Variants in KRT86 observed in about 807,000 individuals in gnomAD.
KRT86 encodes the protein keratin, type II cuticular Hb6.
In KRT86, 30 loss-of-function variants were observed where a neutral mutation model predicts 41.2. That is an observed-to-expected ratio of 0.73 (90% confidence interval 0.54 to 0.99). KRT86 has a LOEUF of 0.99. Among genes scored for constraint, KRT86 ranks in the 50% least tolerant of loss-of-function variants. The probability of loss-of-function intolerance (pLI) is 0.00; values close to 1 mark genes in which losing one functional copy is unlikely to be tolerated. For synonymous variants in KRT86, 238 were observed against 238.1 expected, an observed-to-expected ratio of 1.00 and a Z score of 0.00; for missense variants, 561 against 571.4, an observed-to-expected ratio of 0.98 and a Z score of 0.19.
intron 1 of KRT86, among the ~76,000 whole-genome samples, chr12:52,275,436 A>T (rs895434421): frequency 2.0e-5 from 3 of 152,002 alleles, no homozygotes; most frequent in Non-Finnish European, 4.4e-5. Context: ...AATTTCATTA[A>T]TTTTTTTTGT....
intron 2 of KRT86, among the ~76,000 whole-genome samples, chr12:52,281,614 A>T (rs1211906410): frequency 2.0e-5 from 3 of 152,222 alleles, no homozygotes; most frequent in African/African-American, 7.2e-5. Flanking sequence ...TAAGGAAGGA[A>T]GGGCCTTGAT....
chr12:52,306,207 G>T lies in KRT86; in HGVS notation c.1174G>T (p.Val392Leu). The T allele has an allele frequency of 1.2e-6, 2 of 1,613,820 alleles. No individual in the cohort carries two copies. Among genetic ancestry groups the T allele is most frequent in the Non-Finnish European group, 1.7e-6 (2 of 1,180,042 alleles). The change falls in exon 9 of 11, where the codon GTG becomes TTG. Residue 392 changes from valine to leucine, a missense_variant. Physicochemically the swap from Val to Leu is conservative, Grantham distance 32. Transcript: ENST00000423955. ...CTGCCTGATCAGGGAGTACCAGGAG[G>T]TGATGAACTCCAAGCTGGGCCTGGA... Reference protein sequence around the residue: ...MACLIREYQEVMNSKLGLDIE... With the variant: ...MACLIREYQELMNSKLGLDIE...
chr12:52,286,501 C>A (rs572305707), intron 2 of KRT86: 3 of 1,551,834 alleles, frequency 1.9e-6, no homozygotes, highest in Non-Finnish European at 1.7e-6. Context: ...CACCTGTGAA[C>A]CCCGAAGGCT....
intron 2 of KRT86, among the ~76,000 whole-genome samples, chr12:52,294,553 T>C (rs1938205488): frequency 6.6e-6 from 1 of 152,182 alleles, no homozygotes; most frequent in Non-Finnish European, 1.5e-5. Context: ...GTCTTGGCTC[T>C]GGCAAGGTAA....
chr12:52,307,830 T>C (rs1258420753), intron 9 of KRT86, among the ~76,000 whole-genome samples: 1 of 152,246 alleles, frequency 6.6e-6, no homozygotes, highest in Non-Finnish European at 1.5e-5. Flanking sequence ...TCTGCTCCCC[T>C]CAAATGCACC....
At chr12:52,275,997 C>T in intron 2 of KRT86, 51 bp downstream of exon 2, 1 of 985,820 alleles carries the variant, frequency 1.0e-6, no homozygotes, top group Non-Finnish European at 1.2e-6. Flanking sequence ...GGATGGTGAC[C>T]ATTATTTATG....
At chr12:52,300,710 G>T (rs1938352462) in intron 2 of KRT86, among the ~76,000 whole-genome samples, 1 of 152,252 alleles carries the variant, frequency 6.6e-6, no homozygotes, top group South Asian at 2.1e-4. Context: ...AAGGAGTATA[G>T]TGCAGAAAGC....
chr12:52,275,524 A>T (rs898594305), intron 1 of KRT86, among the ~76,000 whole-genome samples: 1 of 152,182 alleles, frequency 6.6e-6, no homozygotes, highest in African/African-American at 2.4e-5. Flanking sequence ...CCTGGGATAA[A>T]CCCTATGTGA....
chr12:52,308,548 G>GGGTTGGC lies in KRT86; in HGVS notation c.1426_1432dup (p.Val478GlyfsTer9), dbSNP rs1442924617. 1 of 1,600,684 alleles carries GGGTTGGC rather than the reference G, an allele frequency of 6.2e-7. No homozygotes were observed. The highest frequency in any genetic ancestry group is 1.3e-5 in the African/African-American group (1 of 74,934). On this transcript the variant is annotated frameshift_variant, in exon 11 of 11. Coordinates refer to ENST00000423955, the MANE Select transcript of KRT86 (RefSeq NM_001320198.2). LOFTEE classifies it high-confidence loss of function. ...ACTAACGCCTGCGCCCCCTCCGCCC[G>GGGTTGGC]GGTTGGCGTCTGCGGCGGCAGCTGT...
chr12:52,286,265 C>A, intron 2 of KRT86: 1 of 1,554,022 alleles, frequency 6.4e-7, no homozygotes, highest in African/African-American at 1.4e-5. Flanking sequence ...CTAACATTTC[C>A]GGCAGCTGCT....
rs1238552650 is a variant in KRT86 at position 52,296,450 on chromosome 12, G to A, written c.-4-5463G>A. Among the ~76,000 whole-genome samples, 3 of 152,302 alleles carry A rather than the reference G, an allele frequency of 2.0e-5. No individual in the cohort carries two copies. The East Asian group carries it at 5.8e-4, about 29-fold the overall frequency. ...TATAGTAATGAACCCTCACAGGGCA[G>A]GGACATGGGGCGAGGGAGGTGCAGG... is the stretch of plus-strand genomic sequence containing the variant. On this transcript the variant is annotated intron_variant, in intron 2 of 10. Transcript: ENST00000423955.
rs1373352022 is a variant in KRT86 at position 52,308,276 on chromosome 12, G to A, written c.1279+12G>A. ...CTCGGTGAATGTCTGTAAGTAGTGG[G>A]GTCCGTCCCCTCCTCCCGCTGGGCG... On this transcript the variant is annotated intron_variant, in intron 10 of 10. Transcript: ENST00000423955. 3.7e-6 allele frequency: 6 copies of A among 1,614,044 alleles called. No individual in the cohort carries two copies. The highest frequency in any genetic ancestry group is 4.2e-6 in the Non-Finnish European group (5 of 1,180,038).
chr12:52,287,990 G>A, intron 2 of KRT86: 7 of 1,614,208 alleles, frequency 4.3e-6, no homozygotes, highest in Non-Finnish European at 5.9e-6. Context: ...TCACCTTGCT[G>A]CGGTACCAGG....
intron 7 of KRT86, 124 bp downstream of exon 7, chr12:52,305,528 G>A (rs1409485893): frequency 1.9e-6 from 3 of 1,598,626 alleles, no homozygotes; most frequent in Non-Finnish European, 2.6e-6. Flanking sequence ...CCACTCTGAT[G>A]TTGGGGTGGT....
At chr12:52,287,071 G>A (rs1937967569) in intron 2 of KRT86, 1 of 1,612,536 alleles carries the variant, frequency 6.2e-7, no homozygotes, top group Admixed American at 1.7e-5. Context: ...ATGGGGAAGG[G>A]TGGTTCTGGG....
chr12:52,275,335 G>A (rs1165155998), intron 1 of KRT86, among the ~76,000 whole-genome samples: 1 of 152,194 alleles, frequency 6.6e-6, no homozygotes, highest in Non-Finnish European at 1.5e-5. Flanking sequence ...CTAGATCACT[G>A]TCCCTGGTTT....
Position 52,295,977 on chromosome 12 carries a change from G to A in KRT86, c.-4-5936G>A, listed in dbSNP as rs142031804. Among the ~76,000 whole-genome samples, 574 of 152,156 alleles carry A rather than the reference G, an allele frequency of 3.8e-3. 3 individuals carry two copies. Among genetic ancestry groups the A allele is most frequent in the Admixed American group, 5.8e-3 (89 of 15,274 alleles). Reference sequence around the variant, plus strand: ...TGAGTGAGATGTGTCCTTCAACCAAGCAAAGTCCTTGGCTTGGGCTATAAG... The same window carrying A: ...TGAGTGAGATGTGTCCTTCAACCAAACAAAGTCCTTGGCTTGGGCTATAAG... On this transcript the variant is annotated intron_variant, in intron 2 of 10. Coordinates refer to ENST00000423955, the MANE Select transcript of KRT86 (RefSeq NM_001320198.2).
At position 52,308,656 on chromosome 12, in the gene KRT86, G is replaced by T; in HGVS notation, c.*71G>T. The T allele has an allele frequency of 6.9e-7, 1 of 1,449,472 alleles. No individual in the cohort carries two copies. Among genetic ancestry groups the T allele is most frequent in the Non-Finnish European group, 9.4e-7 (1 of 1,062,906 alleles). The allele number at this position is 1,449,472 out of a possible 1,614,324, so 89.8% of individuals were successfully genotyped here. ...AGCCAGTACCTCGCGCCACCAGAACGCGCCGCCCGCGCCGGCCTCCCAATA... is the reference window on the plus strand; with the variant it reads ...AGCCAGTACCTCGCGCCACCAGAACTCGCCGCCCGCGCCGGCCTCCCAATA... On this transcript the variant is annotated 3_prime_UTR_variant, in exon 11 of 11. Transcript: ENST00000423955.
rs1032822792 is a variant in KRT86, at chr12:52,308,718, C to A, written c.*133C>A. 7 of 812,652 alleles carry A rather than the reference C, an allele frequency of 8.6e-6. No homozygotes were observed. The Admixed American group carries it at 1.7e-4, about 20-fold the overall frequency. The allele number at this position is 812,652 out of a possible 1,614,324, so 50.3% of individuals were successfully genotyped here. On this transcript the variant is annotated 3_prime_UTR_variant, in exon 11 of 11. Transcript: ENST00000423955. ...CTGCCTGCACTCTAAGCGCCCTCCC[C>A]ACCGCTCCGCTCCGGGAGCCATCCC...
Sources: gnomAD v4.1 joint callset for allele counts (sites outside exome capture counted in the v4.1 genomes callset) on GRCh38, gnomAD v4.1.1 for gene constraint, MANE v1.5 for transcripts, NCBI Gene and HGNC (gene_info 2026-07-23, HGNC 2026-07-21) for gene names.